The following KCNK1 variants were observed in gnomAD, a reference collection of about 807,000 sequenced individuals.
The protein encoded by KCNK1 is potassium two pore domain channel subfamily K member 1.
Under a neutral mutation model 22.2 loss-of-function variants are expected in KCNK1, and 10 were observed. The ratio of observed to expected loss-of-function variants is 0.45; its 90% confidence interval spans 0.28 to 0.76. The LOEUF (loss-of-function observed/expected upper bound fraction) is 0.76. KCNK1 is among the 30% of genes least tolerant of loss of function. KCNK1 has a pLI of 0.14. For synonymous variants in KCNK1, 200 were observed against 186.4 expected (o/e 1.07, Z -0.60); for missense variants, 378 against 421.0 (o/e 0.90, Z 0.89).
chr1:233,650,199 G>T, intron 1 of KCNK1: 1 of 364,712 alleles, frequency 2.7e-6, no homozygotes, highest in East Asian at 7.5e-5. Context: ...TATCATAGTG[G>T]GTCAGTTTGC....
intron 1 of KCNK1, among the ~76,000 whole-genome samples, chr1:233,628,261 C>T (rs776512193): frequency 6.6e-5 from 10 of 151,974 alleles, no homozygotes; most frequent in East Asian, 3.9e-4. Context: ...AGTCCAACCT[C>T]GAAGATGGAA....
chr1:233,645,211 G>T (rs1247557259), intron 1 of KCNK1, among the ~76,000 whole-genome samples: 2 of 151,426 alleles, frequency 1.3e-5, no homozygotes, highest in Non-Finnish European at 2.9e-5. Context: ...AAAAAAAAGA[G>T]ATATGACATC....
intron 1 of KCNK1, among the ~76,000 whole-genome samples, chr1:233,644,535 G>A (rs896279943): frequency 3.9e-5 from 6 of 152,214 alleles, no homozygotes; most frequent in African/African-American, 1.4e-4. Flanking sequence ...TACTGAGCTT[G>A]AGCATGACTG....
intron 1 of KCNK1, among the ~76,000 whole-genome samples, chr1:233,633,704 T>G (rs955981361): frequency 1.1e-4 from 16 of 152,190 alleles, no homozygotes; most frequent in Non-Finnish European, 2.4e-4. Context: ...ATTCCATGTT[T>G]TTTTCATTTT....
In KCNK1 at chr1:233,614,171, G is replaced by C; in HGVS notation, c.-1G>C. On this transcript the variant is annotated 5_prime_UTR_variant, in exon 1 of 3. Coordinates refer to ENST00000366621, the MANE Select transcript of KCNK1 (RefSeq NM_002245.4). The stretch of plus-strand genomic sequence containing the variant: ...TGGCCTTGGCGGCGGCGGTGGAGAA[G>C]ATGCTGCAGTCCCTGGCCGGCAGCT... The C allele has an allele frequency of 4.4e-6, 7 of 1,596,332 alleles. No individual in the cohort carries two copies. The highest frequency in any genetic ancestry group is 1.3e-5 in the African/African-American group (1 of 74,856).
chr1:233,622,426 G>C (rs763360829), intron 1 of KCNK1, among the ~76,000 whole-genome samples: 26 of 152,204 alleles, frequency 1.7e-4, no homozygotes, highest in Non-Finnish European at 3.5e-4. Context: ...CTTATTCAAG[G>C]CAGGAGATAA....
At chr1:233,648,432 A>G (rs1169876749) in intron 1 of KCNK1, among the ~76,000 whole-genome samples, 2 of 151,804 alleles carry the variant, frequency 1.3e-5, no homozygotes, top group African/African-American at 4.8e-5. Context: ...CACATACCTC[A>G]CCCACTTTCT....
chr1:233,645,995 A>C (rs560324966), intron 1 of KCNK1, among the ~76,000 whole-genome samples: 3 of 152,310 alleles, frequency 2.0e-5, no homozygotes, highest in Admixed American at 1.3e-4. Context: ...GAGGAAGACT[A>C]GGGGAGGGAC....
chr1:233,621,011 C>T (rs985917815), intron 1 of KCNK1, among the ~76,000 whole-genome samples: 1 of 152,202 alleles, frequency 6.6e-6, no homozygotes, highest in Admixed American at 6.5e-5. Flanking sequence ...AACTTCTCTA[C>T]TTAGGTCCCA....
At chr1:233,623,222 A>G (rs1657623083) in intron 1 of KCNK1, among the ~76,000 whole-genome samples, 1 of 144,230 alleles carries the variant, frequency 6.9e-6, no homozygotes, top group Non-Finnish European at 1.5e-5. Context: ...GGTTAGCAAG[A>G]AAAAAAAAAG....
intron 1 of KCNK1, among the ~76,000 whole-genome samples, chr1:233,652,518 A>G (rs1658220048): frequency 6.6e-6 from 1 of 152,220 alleles, no homozygotes; most frequent in Admixed American, 6.5e-5. Context: ...AGATTAAAGG[A>G]GGTTATGCCT....
intron 1 of KCNK1, among the ~76,000 whole-genome samples, chr1:233,658,599 GT>G (rs1237330355): frequency 6.6e-6 from 1 of 152,166 alleles, no homozygotes; most frequent in Non-Finnish European, 1.5e-5. Context: ...ACAGGGATAC[GT>G]TCTGAGAAAT....
intron 2 of KCNK1, among the ~76,000 whole-genome samples, chr1:233,668,893 C>A (rs994668107): frequency 2.6e-5 from 4 of 152,194 alleles, no homozygotes; most frequent in African/African-American, 4.8e-5. Flanking sequence ...GCGTGAGCCA[C>A]CCCACCTGGC....
intron 1 of KCNK1, among the ~76,000 whole-genome samples, chr1:233,634,711 G>A (rs1657868547): frequency 6.6e-6 from 1 of 152,202 alleles, no homozygotes; most frequent in African/African-American, 2.4e-5. Flanking sequence ...TAGTAATAAG[G>A]GTCACTAGGG....
At chr1:233,670,430 A>C (rs1182456974) in intron 2 of KCNK1, among the ~76,000 whole-genome samples, 1 of 152,244 alleles carries the variant, frequency 6.6e-6, no homozygotes, top group Non-Finnish European at 1.5e-5. Flanking sequence ...CACACTGCTG[A>C]TAAAGACATA....
At chr1:233,641,031 C>T (rs898588483) in intron 1 of KCNK1, among the ~76,000 whole-genome samples, 2 of 152,082 alleles carry the variant, frequency 1.3e-5, no homozygotes, top group Admixed American at 6.6e-5. Flanking sequence ...TTCTCATAGG[C>T]GATGCCCGAG....
chr1:233,637,999 G>GAAAAAAAAA, intron 1 of KCNK1, among the ~76,000 whole-genome samples: 1 of 146,936 alleles, frequency 6.8e-6, no homozygotes. Context: ...GTGGAAAAAT[G>GAAAAAAAAA]AAAAAAAAAA....
chr1:233,654,452 C>T (rs1658254485), intron 1 of KCNK1, among the ~76,000 whole-genome samples: 1 of 152,182 alleles, frequency 6.6e-6, no homozygotes, highest in Non-Finnish European at 1.5e-5. Flanking sequence ...ACTGAAATTA[C>T]ATATTTGGAT....
intron 1 of KCNK1, chr1:233,649,835 G>GT (rs1312804784): frequency 2.4e-6 from 1 of 420,838 alleles, no homozygotes; most frequent in East Asian, 6.8e-5. Context: ...CATTCAGACT[G>GT]TAGCAGGGAA....
Sources: allele counts gnomAD v4.1 joint callset (sites outside exome capture counted in the v4.1 genomes callset), GRCh38; gene constraint gnomAD v4.1.1; transcripts MANE v1.5; gene names NCBI Gene and HGNC (gene_info 2026-07-23, HGNC 2026-07-21).